CTDP1: variants seen among roughly 807,000 people sequenced by gnomAD.
CTDP1 encodes the protein RNA polymerase II subunit A C-terminal domain phosphatase.
Under a neutral mutation model 91.8 loss-of-function variants are expected in CTDP1, and 47 were observed. That is an observed-to-expected ratio of 0.51 (90% confidence interval 0.41 to 0.65). The LOEUF (loss-of-function observed/expected upper bound fraction) is 0.65. Among genes scored for constraint, CTDP1 ranks in the 30% least tolerant of loss-of-function variants. The pLI, the probability that CTDP1 is intolerant of heterozygous loss-of-function variation, is 0.00. For synonymous variants in CTDP1, 656 were observed against 598.5 expected, an observed-to-expected ratio of 1.10 and a Z score of -1.40; for missense variants, 1,272 against 1,373.7, an observed-to-expected ratio of 0.93 and a Z score of 1.17.
At chr18:79,728,207 C>T (rs2086490861) in intron 10 of CTDP1, among the ~76,000 whole-genome samples, 2 of 152,138 alleles carry the variant, frequency 1.3e-5, no homozygotes, top group South Asian at 4.1e-4. Flanking sequence ...TCAAGCGATT[C>T]TCCTGCCTCA....
In CTDP1 at chr18:79,736,475, G is replaced by A. The variant is rs1394239686; in HGVS notation, c.2701G>A (p.Ala901Thr). 1 of 1,548,528 alleles carries A rather than the reference G, an allele frequency of 6.5e-7. No individual in the cohort carries two copies. Among genetic ancestry groups the A allele is most frequent in the African/African-American group, 1.4e-5 (1 of 73,104 alleles). ...GACCCGCAGGGAGCGGACGCTCGGG[G>A]CACCTGCGTCCAGCGAGAGGAGCGC... is the stretch of plus-strand genomic sequence containing the variant. ...PGTRRERTLG[A>T]PASSERSAAG... Residue 901 changes from alanine to threonine, a missense_variant, in exon 12 of 13, where the codon GCA becomes ACA. Around this residue, in one of 3 missense-constraint regions of CTDP1, gnomAD observed 881 missense variants for 911.6 expected, o/e 0.97. Coordinates refer to ENST00000613122, the MANE Select transcript of CTDP1 (RefSeq NM_004715.5).
chr18:79,698,644 C>T (rs522180), intron 4 of CTDP1, among the ~76,000 whole-genome samples: 51,694 of 152,042 alleles, frequency 0.34, 8,911 homozygotes, highest in Middle Eastern at 0.37. Flanking sequence ...TCGGCCTAGA[C>T]GGTGGCCATC....
chr18:79,703,884 G>C (rs924139957), intron 4 of CTDP1, among the ~76,000 whole-genome samples: 1 of 152,018 alleles, frequency 6.6e-6, no homozygotes, highest in African/African-American at 2.4e-5. Context: ...GATGGTTATC[G>C]TGTAGTTATC....
intron 1 of CTDP1, among the ~76,000 whole-genome samples, chr18:79,690,099 T>C (rs977481171): frequency 6.6e-6 from 1 of 152,150 alleles, no homozygotes; most frequent in Admixed American, 6.5e-5. Context: ...TCTAAATACA[T>C]TTCTACACTC....
chr18:79,722,532 A>G (rs1051907674), intron 10 of CTDP1, among the ~76,000 whole-genome samples: 35 of 152,202 alleles, frequency 2.3e-4, no homozygotes, highest in African/African-American at 8.2e-4. Flanking sequence ...TTAGGTTGCG[A>G]TAATCGTCAG....
chr18:79,705,683 T>A (rs200256349), intron 5 of CTDP1, among the ~76,000 whole-genome samples: 1 of 152,244 alleles, frequency 6.6e-6, no homozygotes, highest in Non-Finnish European at 1.5e-5. Context: ...CGAGTGGCAG[T>A]GTAGGCAAGC....
intron 4 of CTDP1, among the ~76,000 whole-genome samples, chr18:79,701,666 C>T (rs1268808819): frequency 1.3e-5 from 2 of 152,144 alleles, no homozygotes; most frequent in African/African-American, 2.4e-5. Context: ...AAAGGATTCA[C>T]CATTGTGACA....
In CTDP1 at chr18:79,712,948, T is replaced by A. The variant is rs1168280607; in HGVS notation, c.864-24T>A. On this transcript the variant is annotated intron_variant, in intron 6 of 12. Transcript: ENST00000613122. The stretch of plus-strand genomic sequence containing the variant: ...TACAACTTTTCATTATTATTTTTTG[T>A]AAATTATGCATTTTCACTTGTAGAA... 4.3e-6 allele frequency: 7 copies of A among 1,611,664 alleles called. No homozygotes were observed. In the African/African-American group the frequency reaches 6.7e-5, roughly 15 times the overall value.
intron 10 of CTDP1, among the ~76,000 whole-genome samples, chr18:79,718,902 C>A (rs1277550097): frequency 6.6e-6 from 1 of 152,110 alleles, no homozygotes; most frequent in East Asian, 1.9e-4. Context: ...GAGACGGGTG[C>A]TCACGGTTAA....
At chr18:79,708,726 A>G (rs1476726047) in intron 5 of CTDP1, among the ~76,000 whole-genome samples, 2 of 152,264 alleles carry the variant, frequency 1.3e-5, no homozygotes, top group Non-Finnish European at 2.9e-5. Flanking sequence ...CCACAGTCCC[A>G]GCTCCCGACT....
Position 79,749,527 on chromosome 18 carries a change from C to T in CTDP1, c.2748-4125C>T, listed in dbSNP as rs571973268. Reference sequence around the variant, plus strand: ...GCCCCGTGCACACGAGATCCAGGCCCGCCCCCTCCTGGACTTGGTGACCGT... The same window carrying T: ...GCCCCGTGCACACGAGATCCAGGCCTGCCCCCTCCTGGACTTGGTGACCGT... On this transcript the variant is annotated intron_variant, in intron 12 of 12. Coordinates refer to ENST00000613122, the MANE Select transcript of CTDP1 (RefSeq NM_004715.5). Among the ~76,000 whole-genome samples, 242 of 91,966 alleles carry T rather than the reference C, an allele frequency of 2.6e-3. 1 individual carries two copies. Among genetic ancestry groups the T allele is most frequent in the African/African-American group, 7.9e-3 (221 of 27,900 alleles). The allele number at this position is 91,966 out of a possible 152,430, so 60.3% of individuals were successfully genotyped here. A position where few individuals can be genotyped will look rare whatever the true frequency, so the allele number is the denominator to read the frequency against.
At chr18:79,679,692 G>T (rs928853108), upstream of CTDP1, 9 of 533,382 alleles carry the variant, frequency 1.7e-5, no homozygotes, top group Non-Finnish European at 2.9e-5. Flanking sequence ...CGGCCGGCAC[G>T]CAGGGTTGGT....
At chr18:79,736,876 G>A (rs1264544553) in intron 12 of CTDP1, among the ~76,000 whole-genome samples, 8 of 142,316 alleles carry the variant, frequency 5.6e-5, no homozygotes, top group East Asian at 2.3e-4. Flanking sequence ...GTATCTACAC[G>A]TGCGCACAGG....
At chr18:79,705,362 A>G (rs1226014607) in intron 5 of CTDP1, among the ~76,000 whole-genome samples, 1 of 152,188 alleles carries the variant, frequency 6.6e-6, no homozygotes, top group Non-Finnish European at 1.5e-5. Flanking sequence ...GATAGCGTGA[A>G]TGCCAGGCTA....
chr18:79,718,850 C>G (rs1032944773), intron 10 of CTDP1, among the ~76,000 whole-genome samples: 1 of 152,166 alleles, frequency 6.6e-6, no homozygotes, highest in Non-Finnish European at 1.5e-5. Flanking sequence ...GGTCACAACA[C>G]CTCAGATCCT....
chr18:79,712,834 G>T, intron 6 of CTDP1, 138 bp from the exon 7 acceptor site: 2 of 829,094 alleles, frequency 2.4e-6, no homozygotes, highest in East Asian at 5.3e-5. Context: ...AGGGCTTCGG[G>T]GCGGTTGGTG....
At position 79,721,412 on chromosome 18, in the gene CTDP1, C is replaced by T. The variant is rs190357409; in HGVS notation, c.2417+3396C>T. On this transcript the variant is annotated intron_variant, in intron 10 of 12. Coordinates refer to ENST00000613122, the MANE Select transcript of CTDP1 (RefSeq NM_004715.5). ...AGAGCAGAAGGATGTGGAGACCCCC[C>T]GTCTAGGAAGTCAGGGTCTGTTCTG... Among the ~76,000 whole-genome samples the T allele has an allele frequency of 8.5e-5, 13 of 152,148 alleles. No individual in the cohort carries two copies. In the East Asian group the frequency reaches 1.2e-3, roughly 14 times the overall value.
At chr18:79,684,343 G>A (rs951136026) in intron 1 of CTDP1, among the ~76,000 whole-genome samples, 3 of 152,222 alleles carry the variant, frequency 2.0e-5, no homozygotes, top group Non-Finnish European at 4.4e-5. Flanking sequence ...AGAATCCCAC[G>A]TGGGTATGTG....
At chr18:79,715,921 C>T (rs1225815553) in intron 8 of CTDP1, among the ~76,000 whole-genome samples, 2 of 152,216 alleles carry the variant, frequency 1.3e-5, no homozygotes, top group Admixed American at 1.3e-4. Flanking sequence ...AAGGTTTCAG[C>T]TGAAACGTGC....
Sources: gnomAD v4.1 joint callset for allele counts (sites outside exome capture counted in the v4.1 genomes callset) on GRCh38, gnomAD v4.1.1 for gene constraint, gnomAD v4.1.1 regional missense constraint, MANE v1.5 for transcripts, NCBI Gene and HGNC (gene_info 2026-07-23, HGNC 2026-07-21) for gene names.